The following GRAMD2A variants were observed in gnomAD, a reference collection of about 807,000 sequenced individuals.
The protein encoded by GRAMD2A is GRAM domain-containing protein 2A.
Under a neutral mutation model 51.1 loss-of-function variants are expected in GRAMD2A, and 37 were observed. That is an observed-to-expected ratio of 0.72 (90% confidence interval 0.56 to 0.95). The LOEUF is 0.95. GRAMD2A is among the 40% of genes least tolerant of loss of function. GRAMD2A has a pLI of 0.00. For missense variants in GRAMD2A, 414 were observed against 426.9 expected (o/e 0.97, Z 0.27); for synonymous variants, 136 against 157.1 (o/e 0.87, Z 1.01).
intron 1 of GRAMD2A, among the ~76,000 whole-genome samples, chr15:72,189,022 C>G (rs1350497123): frequency 6.6e-6 from 1 of 152,114 alleles, no homozygotes; most frequent in Non-Finnish European, 1.5e-5. Flanking sequence ...AAGTATTATA[C>G]ACCTGTTAGA....
rs375702009 is a variant in GRAMD2A, at chr15:72,195,116, A to C, written c.41+2615T>G. ...CCACCAAAAGATAAGGCACAGGCCC[A>C]CTTGTCCAATCACATTTGCTGAAAA... is the stretch of plus-strand genomic sequence containing the variant. On this transcript the variant is annotated intron_variant, in intron 1 of 11. Transcript: ENST00000309731. 1.1e-4 allele frequency among the ~76,000 whole-genome samples: 17 copies of C among 152,368 alleles called. No individual in the cohort carries two copies. In the East Asian group the frequency reaches 3.3e-3, roughly 29 times the overall value.
chr15:72,193,594 C>A (rs1430060321), intron 1 of GRAMD2A, among the ~76,000 whole-genome samples: 2 of 151,466 alleles, frequency 1.3e-5, no homozygotes, highest in Non-Finnish European at 2.9e-5. Flanking sequence ...GTGATCTCTG[C>A]TCACTGCAAG....
chr15:72,167,023 G>C lies in GRAMD2A; in HGVS notation c.442C>G (p.Leu148Val), dbSNP rs2081553533. 1.2e-6 allele frequency: 2 copies of C among 1,614,102 alleles called. No homozygotes were observed. The highest frequency in any genetic ancestry group is 1.7e-6 in the Non-Finnish European group (2 of 1,179,954). Residue 148 changes from leucine (L) to valine (V), a missense_variant, in exon 6 of 12, where the codon CTG becomes GTG. Transcript: ENST00000309731. Reference protein sequence around the residue: ...HKMARLLPNGLAITTNTSQKY... With the variant: ...HKMARLLPNGVAITTNTSQKY... ...TGGCTGGTGTTGGTGGTGATGGCCAGTCCATTGGGAAGGAGCCGTGCCATC... is the reference window on the plus strand; with the variant it reads ...TGGCTGGTGTTGGTGGTGATGGCCACTCCATTGGGAAGGAGCCGTGCCATC...
Position 72,161,895 on chromosome 15 carries a change from C to T in GRAMD2A, c.*114G>A. The T allele has an allele frequency of 9.2e-7, 1 of 1,084,366 alleles. No individual in the cohort carries two copies. Among genetic ancestry groups the T allele is most frequent in the East Asian group, 2.4e-5 (1 of 42,306 alleles). 67.2% of individuals were successfully genotyped at this position (1,084,366 alleles called of 1,614,324 possible). ...AGGAGGAGGGATCTGGAATATTTTC[C>T]TTCATAGGCAGTCTTAGCACAGCAG... is the stretch of plus-strand genomic sequence containing the variant. On this transcript the variant is annotated 3_prime_UTR_variant, in exon 12 of 12. Coordinates refer to ENST00000309731, the MANE Select transcript of GRAMD2A (RefSeq NM_001012642.3).
At chr15:72,189,010 A>G (rs557467344) in intron 1 of GRAMD2A, among the ~76,000 whole-genome samples, 227 of 152,300 alleles carry the variant, frequency 1.5e-3, no homozygotes, top group African/African-American at 5.2e-3. Context: ...TTTTGATCTT[A>G]AAAGTATTAT....
rs555505002 is a variant in GRAMD2A at position 72,162,860 on chromosome 15, T to C, written c.956+406A>G. The C allele has an allele frequency of 7.4e-5, 16 of 216,496 alleles. 1 individual carries two copies. In the South Asian group the frequency reaches 1.1e-3, roughly 15 times the overall value. 13.4% of individuals were successfully genotyped at this position (216,496 alleles called of 1,614,324 possible). A position where few individuals can be genotyped will look rare whatever the true frequency, so the allele number is the denominator to read the frequency against. ...CTGTTCATGTCACTTCCCACGATGC[T>C]CCCTGCTCTACTGGTCCTTAGACAG... On this transcript the variant is annotated intron_variant, in intron 10 of 11. Coordinates refer to ENST00000309731, the MANE Select transcript of GRAMD2A (RefSeq NM_001012642.3).
rs2081542266 is a variant in GRAMD2A at position 72,166,180 on chromosome 15, A to G, written c.543+452T>C. Among the ~76,000 whole-genome samples, 2 of 152,224 alleles carry G rather than the reference A, an allele frequency of 1.3e-5. No homozygotes were observed. Among genetic ancestry groups the G allele is most frequent in the African/African-American group, 2.4e-5 (1 of 41,470 alleles). ...TTTTTCACATTCAGTACAGGATTCAATAAGTTATATAAGATGTTCCACACT... is the reference window on the plus strand; with the variant it reads ...TTTTTCACATTCAGTACAGGATTCAGTAAGTTATATAAGATGTTCCACACT... On this transcript the variant is annotated intron_variant, in intron 7 of 11. Transcript: ENST00000309731. The surrounding 1 kb of genome is among the most constrained non-coding windows in gnomAD (Gnocchi z 4.1).
chr15:72,189,356 C>T (rs1020822770), intron 1 of GRAMD2A, among the ~76,000 whole-genome samples: 3 of 152,108 alleles, frequency 2.0e-5, no homozygotes, highest in African/African-American at 7.2e-5. Flanking sequence ...CATGCAGAGA[C>T]ACAAATGAGT....
chr15:72,179,575 T>G (rs2081681717), intron 1 of GRAMD2A, among the ~76,000 whole-genome samples: 1 of 152,162 alleles, frequency 6.6e-6, no homozygotes, highest in Non-Finnish European at 1.5e-5. Flanking sequence ...TCCCCTAAGA[T>G]GCCCATTAAC....
At chr15:72,168,675 T>C in intron 3 of GRAMD2A, 109 bp from the exon 4 acceptor site, 1 of 933,240 alleles carries the variant, frequency 1.1e-6, no homozygotes, top group Non-Finnish European at 1.8e-6. Flanking sequence ...TGCTGGGGAC[T>C]TAGCATGAGG....
At chr15:72,197,612 C>T (rs986510954) in intron 1 of GRAMD2A, 119 bp downstream of exon 1, 2 of 795,162 alleles carry the variant, frequency 2.5e-6, no homozygotes, top group African/African-American at 1.8e-5. Context: ...GTGCCTGCCC[C>T]GTGGGCAGAA....
At chr15:72,169,982 G>A in intron 1 of GRAMD2A, 43 bp from the exon 2 acceptor site, 1 of 1,448,482 alleles carries the variant, frequency 6.9e-7, no homozygotes, top group Non-Finnish European at 9.7e-7. Context: ...GCTTCATGAG[G>A]ACACCTTTCC....
chr15:72,190,223 C>CA (rs1484553803), intron 1 of GRAMD2A, among the ~76,000 whole-genome samples: 1 of 151,880 alleles, frequency 6.6e-6, no homozygotes, highest in Non-Finnish European at 1.5e-5. Flanking sequence ...AAAAAAAATA[C>CA]AAAAAAATAG....
intron 1 of GRAMD2A, among the ~76,000 whole-genome samples, chr15:72,171,295 T>TC (rs1466480897): frequency 6.6e-6 from 1 of 152,032 alleles, no homozygotes; most frequent in Non-Finnish European, 1.5e-5. Context: ...TTTTTTTTTT[T>TC]CCCTTGATTT....
At chr15:72,172,410 T>C (rs1259729952) in intron 1 of GRAMD2A, among the ~76,000 whole-genome samples, 1 of 149,864 alleles carries the variant, frequency 6.7e-6, no homozygotes, top group Non-Finnish European at 1.5e-5. Context: ...TGAGCCACCA[T>C]GCCTAGCCTT....
chr15:72,170,165 A>C lies in GRAMD2A; in HGVS notation c.42-226T>G, dbSNP rs1211378131. 1.5e-6 allele frequency: 1 copy of C among 655,190 alleles called. No homozygotes were observed. The highest frequency in any genetic ancestry group is 2.8e-6 in the Non-Finnish European group (1 of 355,042). The allele number at this position is 655,190 out of a possible 1,614,324, so 40.6% of individuals were successfully genotyped here. On this transcript the variant is annotated intron_variant, in intron 1 of 11. Transcript: ENST00000309731. This position sits in a 1 kb window ranked among gnomAD's most constrained non-coding sequence, Gnocchi z 4.5. ...ACACAGCGTCTTTCCCGAAAGCCAGAAGTTCTGCTTATGCCTAGGCTGGGA... is the reference window on the plus strand; with the variant it reads ...ACACAGCGTCTTTCCCGAAAGCCAGCAGTTCTGCTTATGCCTAGGCTGGGA...
At chr15:72,185,115 C>T (rs938391965) in intron 1 of GRAMD2A, among the ~76,000 whole-genome samples, 1 of 151,882 alleles carries the variant, frequency 6.6e-6, no homozygotes, top group African/African-American at 2.4e-5. Context: ...TTCCTGTAGA[C>T]CTACAATACA....
At chr15:72,167,680 G>T in intron 5 of GRAMD2A, 56 bp downstream of exon 5, 1 of 1,334,220 alleles carries the variant, frequency 7.5e-7, no homozygotes, top group Non-Finnish European at 1.1e-6. Context: ...ATGCCCGTGG[G>T]GCAGGAGGCT....
rs925551073 is a variant in GRAMD2A, at chr15:72,170,035, AC to A, written c.42-97del. ...CCCATGGCCGCTGCCTCTGGCCCCC[AC>A]CCAAGACTGGCCCTGATATTGAGGG... On this transcript the variant is annotated intron_variant, in intron 1 of 11. Transcript: ENST00000309731. This position sits in a 1 kb window ranked among gnomAD's most constrained non-coding sequence, Gnocchi z 4.5. 391 of 864,492 alleles carry A rather than the reference AC, an allele frequency of 4.5e-4. No homozygotes were observed. The highest frequency in any genetic ancestry group is 4.0e-3 in the Middle Eastern group (15 of 3,776). The allele number at this position is 864,492 out of a possible 1,614,324, so 53.6% of individuals were successfully genotyped here.
Sources: gnomAD v4.1 joint callset for allele counts (sites outside exome capture counted in the v4.1 genomes callset) on GRCh38, gnomAD v4.1.1 for gene constraint, Gnocchi (gnomAD v3.1) non-coding constraint, MANE v1.5 for transcripts, NCBI Gene and HGNC (gene_info 2026-07-23, HGNC 2026-07-21) for gene names.